The following KIF5B variants were observed in gnomAD, a reference collection of about 807,000 sequenced individuals.
KIF5B encodes kinesin family member 5B, also known as kinesin-1 heavy chain.
A neutral mutation model predicts 132.8 loss-of-function variants in KIF5B; 49 were observed. The observed-to-expected ratio is 0.37, with a 90% CI of 0.29 to 0.47. The LOEUF (loss-of-function observed/expected upper bound fraction) is 0.47, where lower values mean the gene tolerates loss of function less well. Among genes scored for constraint, KIF5B ranks in the 20% least tolerant of loss-of-function variants. The pLI, the probability that KIF5B is intolerant of heterozygous loss-of-function variation, is 1.00. For synonymous variants in KIF5B, 355 were observed against 369.4 expected (o/e 0.96, Z 0.45); for missense variants, 780 against 1,144.0 (o/e 0.68, Z 4.59).
rs1841033906 is a variant in KIF5B at position 32,009,170 on chromosome 10, T to C, written c.*2367A>G. ...ATATTCCACAGGTAGACTCAGACTC[T>C]CTTCTGTCACCTCATGTCAAATGGA... On this transcript the variant is annotated 3_prime_UTR_variant, in exon 26 of 26. Coordinates refer to ENST00000302418, the MANE Select transcript of KIF5B (RefSeq NM_004521.3). 1 of 152,234 alleles carries C rather than the reference T, an allele frequency of 6.6e-6. No homozygotes were observed. Among genetic ancestry groups the C allele is most frequent in the African/African-American group, 2.4e-5 (1 of 41,472 alleles). The allele number at this position is 152,234 out of a possible 1,614,324, so 9.4% of individuals were successfully genotyped here. A position where few individuals can be genotyped will look rare whatever the true frequency, so the allele number is the denominator to read the frequency against.
At position 32,028,462 on chromosome 10, in the gene KIF5B, T is replaced by C. The variant is rs1206231500; in HGVS notation, c.1691A>G (p.Glu564Gly). Residue 564 changes from glutamate to glycine, a missense_variant, in exon 15 of 26, where the codon GAA becomes GGA. By Grantham distance (98) the Glu-to-Gly change is moderately conservative. Around this residue, in one of 9 missense-constraint regions of KIF5B, gnomAD observed 471 missense variants for 569.9 expected, o/e 0.83. Transcript: ENST00000302418. ...MMASLLKDLAEIGIAVGNNDV... is the reference protein window; with the variant it reads ...MMASLLKDLAGIGIAVGNNDV... ...ATTATTTCCCACAGCAATTCCTATT[T>C]CTGCAAGGTCTTTTAGTAAAGATGC... 1.2e-6 allele frequency: 2 copies of C among 1,612,912 alleles called. No individual in the cohort carries two copies. The highest frequency in any genetic ancestry group is 2.7e-5 in the African/African-American group (2 of 74,888).
At chr10:32,022,403 A>C (rs1422944009) in intron 16 of KIF5B, 146 bp from the exon 17 acceptor site, 1 of 576,746 alleles carries the variant, frequency 1.7e-6, no homozygotes, top group Non-Finnish European at 3.0e-6. Context: ...TGAAATGTTA[A>C]AGAATGTAAT....
Position 32,043,617 on chromosome 10 carries a change from A to C in KIF5B, c.215-3160T>G, listed in dbSNP as rs2132610964. The stretch of plus-strand genomic sequence containing the variant: ...ATGAGATGCTTATCATATAGTGGGC[A>C]ATGAATAAATAGCTACTTAACACAA... On this transcript the variant is annotated intron_variant, in intron 2 of 25. Coordinates refer to ENST00000302418, the MANE Select transcript of KIF5B (RefSeq NM_004521.3). Among the ~76,000 whole-genome samples the C allele has an allele frequency of 2.0e-5, 3 of 152,354 alleles. No homozygotes were observed. The Middle Eastern group carries it at 0.01, about 518-fold the overall frequency.
At chr10:32,053,236 G>C (rs906263314) in intron 1 of KIF5B, among the ~76,000 whole-genome samples, 2 of 152,090 alleles carry the variant, frequency 1.3e-5, no homozygotes, top group East Asian at 3.8e-4. Context: ...CCTCCTGGCT[G>C]CTCTTATAAC....
intron 17 of KIF5B, 59 bp downstream of exon 17, chr10:32,022,081 A>C (rs959259883): frequency 1.2e-6 from 1 of 805,534 alleles, no homozygotes; most frequent in South Asian, 1.7e-5. Context: ...TATTAAGTTT[A>C]CTACAATTAT....
At chr10:32,027,422 G>A (rs1012734528) in intron 15 of KIF5B, among the ~76,000 whole-genome samples, 1 of 151,974 alleles carries the variant, frequency 6.6e-6, no homozygotes, top group African/African-American at 2.4e-5. Flanking sequence ...GAGGTATAAA[G>A]AAAATATGGA....
At position 32,035,613 on chromosome 10, in the gene KIF5B, CTAATGAATCTTG is replaced by C; in HGVS notation, c.859_870del (p.Gln287_Leu290del). On this transcript the variant is annotated inframe_deletion, in exon 10 of 26. Coordinates refer to ENST00000302418, the MANE Select transcript of KIF5B (RefSeq NM_004521.3). ...ACAATAGTGGTTCTACAGTTGCCAC[CTAATGAATCTTG>C]AAGGATTCTTGTCATTTTACTATCT... The C allele has an allele frequency of 6.2e-7, 1 of 1,612,800 alleles. No homozygotes were observed. The highest frequency in any genetic ancestry group is 8.5e-7 in the Non-Finnish European group (1 of 1,179,100).
At chr10:32,026,526 C>A in intron 15 of KIF5B, among the ~76,000 whole-genome samples, 1 of 108,636 alleles carries the variant, frequency 9.2e-6, no homozygotes. Context: ...GACAAAAATA[C>A]TGAGGATCCT....
Position 32,021,032 on chromosome 10 carries a change from C to T in KIF5B, c.2194G>A (p.Asp732Asn), listed in dbSNP as rs1050253038. ...AAGTATAATACTTACTCTTGAAGAT[C>T]AGTAATAAGTTTTGCTTTTGCTTCT... ...EVEAKAKLIT[D>N]LQDQNQKMML... The change falls in exon 19 of 26, where the codon GAT (aspartate) becomes AAT (asparagine). Residue 732 changes from aspartate to asparagine, a missense_variant. Coordinates refer to ENST00000302418, the MANE Select transcript of KIF5B (RefSeq NM_004521.3). 1.3e-6 allele frequency: 2 copies of T among 1,570,122 alleles called. No homozygotes were observed. Among genetic ancestry groups the T allele is most frequent in the African/African-American group, 1.4e-5 (1 of 73,984 alleles).
In KIF5B at chr10:32,021,222, T is replaced by C. The variant is rs544036942; in HGVS notation, c.2094+4A>G. ...AGCTGTTAGAAATGTGACATCAAACTTGCCTTAACTTCATTTGCAGTCTGA... is the reference window on the plus strand; with the variant it reads ...AGCTGTTAGAAATGTGACATCAAACCTGCCTTAACTTCATTTGCAGTCTGA... On this transcript the variant is annotated splice_donor_region_variant and intron_variant, in intron 18 of 25. Transcript: ENST00000302418. 6.2e-7 allele frequency: 1 copy of C among 1,612,278 alleles called. No individual in the cohort carries two copies. The highest frequency in any genetic ancestry group is 2.2e-5 in the East Asian group (1 of 44,826).
chr10:32,009,673 G>A lies in KIF5B; in HGVS notation c.*1864C>T, dbSNP rs1841045770. 6.6e-6 allele frequency: 1 copy of A among 152,124 alleles called. No homozygotes were observed. Among genetic ancestry groups the A allele is most frequent in the Admixed American group, 6.5e-5 (1 of 15,274 alleles). 9.4% of individuals were successfully genotyped at this position (152,124 alleles called of 1,614,324 possible). A position where few individuals can be genotyped will look rare whatever the true frequency, so the allele number is the denominator to read the frequency against. The stretch of plus-strand genomic sequence containing the variant: ...TGGAAAAAAGAGAAAAAAAAATTCT[G>A]CTTCATTTACGAATGTTGCCAAAGG... On this transcript the variant is annotated 3_prime_UTR_variant, in exon 26 of 26. Transcript: ENST00000302418.
chr10:32,051,600 A>G (rs1841695744), intron 1 of KIF5B, among the ~76,000 whole-genome samples: 1 of 152,240 alleles, frequency 6.6e-6, no homozygotes, highest in East Asian at 1.9e-4. Context: ...CATAAAAATA[A>G]TTGAGACTGG....
chr10:32,038,214 T>A lies in KIF5B; in HGVS notation c.447A>T (p.Ser149=). The A allele has an allele frequency of 6.2e-7, 1 of 1,605,242 alleles. No homozygotes were observed. The highest frequency in any genetic ancestry group is 1.1e-5 in the South Asian group (1 of 90,740). ...LDKIRDLLDV[S]KTNLSVHEDK... ...CTTCATGAACTGAAAGGTTGGTCTT[T>A]GAAACTGAGAAAGAAAAACAAATGT... is the stretch of plus-strand genomic sequence containing the variant. Residue 149 remains serine (S), a synonymous_variant, in exon 6 of 26, where the codon TCA becomes TCT. Transcript: ENST00000302418.
chr10:32,041,277 T>C (rs1841535455), intron 2 of KIF5B, among the ~76,000 whole-genome samples: 1 of 149,054 alleles, frequency 6.7e-6, no homozygotes, highest in Non-Finnish European at 1.5e-5. Context: ...TTAAAGGAAA[T>C]ATATAACAAC....
intron 14 of KIF5B, among the ~76,000 whole-genome samples, chr10:32,028,867 C>G (rs1030101461): frequency 1.3e-5 from 2 of 152,074 alleles, no homozygotes; most frequent in Admixed American, 1.3e-4. Flanking sequence ...AAATGGGAAG[C>G]CTCAAATTTA....
intron 8 of KIF5B, 105 bp downstream of exon 8, chr10:32,037,149 C>T: frequency 9.6e-7 from 1 of 1,037,882 alleles, no homozygotes; most frequent in Non-Finnish European, 1.4e-6. Context: ...GTTACCAAAT[C>T]CAGTTTGGTA....
At chr10:32,037,188 A>G (rs1044498204) in intron 8 of KIF5B, 66 bp downstream of exon 8, 2 of 1,483,048 alleles carry the variant, frequency 1.3e-6, no homozygotes, top group Non-Finnish European at 1.8e-6. Context: ...ACCCTGCGTA[A>G]CTCCCAACTC....
chr10:32,056,381 C>A lies in KIF5B; in HGVS notation c.-408G>T. The A allele has an allele frequency of 4.6e-6, 1 of 219,244 alleles. No individual in the cohort carries two copies. The highest frequency in any genetic ancestry group is 9.2e-6 in the Non-Finnish European group (1 of 108,864). 13.6% of individuals were successfully genotyped at this position (219,244 alleles called of 1,614,324 possible). A position where few individuals can be genotyped will look rare whatever the true frequency, so the allele number is the denominator to read the frequency against. ...TCCGCCCGCTCTGCCGTCCGCTGGC[C>A]GGCCGACTGCTGCCCGATCACTCCT... On this transcript the variant is annotated 5_prime_UTR_variant, in exon 1 of 26. Transcript: ENST00000302418.
chr10:32,040,497 T>A, intron 2 of KIF5B, 40 bp from the exon 3 acceptor site: 1 of 1,164,982 alleles, frequency 8.6e-7, no homozygotes, highest in Non-Finnish European at 1.3e-6. Context: ...ATTTTTTCCT[T>A]AAGCAAGATT....
Sources: gnomAD v4.1 joint callset for allele counts (sites outside exome capture counted in the v4.1 genomes callset) on GRCh38, gnomAD v4.1.1 for gene constraint, gnomAD v4.1.1 regional missense constraint, MANE v1.5 for transcripts, NCBI Gene and HGNC (gene_info 2026-07-23, HGNC 2026-07-21) for gene names.